Variants in DCAF6 observed in about 807,000 individuals in gnomAD.
The protein encoded by DCAF6 is DDB1- and CUL4-associated factor 6.
DCAF6 carries 54 observed loss-of-function variants against 125.1 expected under a neutral mutation model. The observed-to-expected ratio is 0.43, with a 90% CI of 0.35 to 0.54. DCAF6 has a LOEUF of 0.54. Ranked by LOEUF, DCAF6 falls within the 20% of genes least tolerant of loss-of-function variation. The probability of loss-of-function intolerance (pLI) is 0.01; values close to 1 mark genes in which losing one functional copy is unlikely to be tolerated. For missense variants in DCAF6, 934 were observed against 1,161.7 expected, an observed-to-expected ratio of 0.80 and a Z score of 2.85; for synonymous variants, 371 against 390.4, an observed-to-expected ratio of 0.95 and a Z score of 0.58.
intron 4 of DCAF6, among the ~76,000 whole-genome samples, chr1:167,980,830 G>C (rs894251879): frequency 2.3e-4 from 35 of 150,196 alleles, no homozygotes; most frequent in African/African-American, 8.1e-4. Context: ...CCACTTGTCT[G>C]TTATGGCTTT....
At chr1:167,940,625 C>G (rs142196156) in intron 1 of DCAF6, among the ~76,000 whole-genome samples, 1 of 152,018 alleles carries the variant, frequency 6.6e-6, no homozygotes, top group African/African-American at 2.4e-5. Flanking sequence ...TTTTGGAAAT[C>G]AGTGATTTAT....
intron 12 of DCAF6, among the ~76,000 whole-genome samples, chr1:168,034,029 A>G (rs1045483571): frequency 6.6e-6 from 1 of 152,236 alleles, no homozygotes; most frequent in Non-Finnish European, 1.5e-5. Flanking sequence ...TATGATGCCA[A>G]AGTGATAATT....
chr1:167,953,655 A>T (rs1362624261), intron 2 of DCAF6, among the ~76,000 whole-genome samples: 1 of 152,116 alleles, frequency 6.6e-6, no homozygotes. Flanking sequence ...GGCTGGAGTG[A>T]GTGGTGCAAT....
chr1:167,874,036 T>TA, the DCAF6 span, among the ~76,000 whole-genome samples: 1 of 152,090 alleles, frequency 6.6e-6, no homozygotes, highest in Non-Finnish European at 1.5e-5. Flanking sequence ...ACAGGTACTT[T>TA]AAAAAAATGT....
At chr1:167,883,352 C>A in the DCAF6 span, 70 of 1,485,978 alleles carry the variant, frequency 4.7e-5, no homozygotes, top group Non-Finnish European at 6.1e-5. Flanking sequence ...GGTTAAATTT[C>A]CTGTGTCTAT....
At chr1:168,004,915 T>C (rs1683138890) in intron 10 of DCAF6, 122 bp downstream of exon 10, 4 of 1,125,018 alleles carry the variant, frequency 3.6e-6, no homozygotes, top group African/African-American at 1.6e-5. Flanking sequence ...CAAAATGACA[T>C]GTAATATATG....
intron 16 of DCAF6, among the ~76,000 whole-genome samples, chr1:168,048,918 G>T (rs1268463787): frequency 6.6e-6 from 1 of 152,206 alleles, no homozygotes; most frequent in Non-Finnish European, 1.5e-5. Flanking sequence ...CTGCTCTATA[G>T]TAATCAGTGT....
At position 168,044,885 on chromosome 1, in the gene DCAF6, T is replaced by A. The variant is rs1281152203; in HGVS notation, c.1931-15T>A. 6.2e-7 allele frequency: 1 copy of A among 1,610,536 alleles called. No homozygotes were observed. The highest frequency in any genetic ancestry group is 8.5e-7 in the Non-Finnish European group (1 of 1,178,600). On this transcript the variant is annotated splice_polypyrimidine_tract_variant and intron_variant, in intron 15 of 21. Transcript: ENST00000367840. The stretch of plus-strand genomic sequence containing the variant: ...CACATTACCACCTGTTACATACAAC[T>A]TTATTTTCTGACAGCACAATCAGAT...
chr1:168,040,501 G>T (rs1688384877), intron 13 of DCAF6, among the ~76,000 whole-genome samples: 1 of 151,530 alleles, frequency 6.6e-6, no homozygotes, highest in South Asian at 2.1e-4. Flanking sequence ...AAAAAAAAAA[G>T]TGATGGGATT....
intron 10 of DCAF6, among the ~76,000 whole-genome samples, chr1:168,009,611 C>T (rs144957746): frequency 8.6e-5 from 13 of 151,246 alleles, no homozygotes; most frequent in Admixed American, 4.0e-4. Flanking sequence ...TTCCCTCTTT[C>T]CTTCTTACAC....
At chr1:167,925,359 T>C in the DCAF6 span, among the ~76,000 whole-genome samples, 1 of 149,376 alleles carries the variant, frequency 6.7e-6, no homozygotes, top group Non-Finnish European at 1.5e-5. Flanking sequence ...AGTTAGCCAG[T>C]AGAGTTGGAA....
At chr1:167,924,891 C>T in the DCAF6 span, among the ~76,000 whole-genome samples, 1 of 152,130 alleles carries the variant, frequency 6.6e-6, no homozygotes, top group Non-Finnish European at 1.5e-5. Flanking sequence ...AAAATGAACC[C>T]AGTGATAACA....
chr1:167,996,356 C>T (rs765678087), intron 7 of DCAF6, among the ~76,000 whole-genome samples: 3 of 152,002 alleles, frequency 2.0e-5, no homozygotes, highest in Non-Finnish European at 4.4e-5. Flanking sequence ...TTCATTCTTT[C>T]ATTTTCTTCT....
rs1692635553 is a variant in DCAF6, at chr1:168,068,559, A to G, written c.2791+96A>G. 8.8e-6 allele frequency: 5 copies of G among 569,182 alleles called. No homozygotes were observed. In the East Asian group the frequency reaches 1.9e-4, roughly 22 times the overall value. The allele number at this position is 569,182 out of a possible 1,614,324, so 35.3% of individuals were successfully genotyped here. A position where few individuals can be genotyped will look rare whatever the true frequency, so the allele number is the denominator to read the frequency against. On this transcript the variant is annotated intron_variant, in intron 21 of 21. Coordinates refer to ENST00000367840, the MANE Select transcript of DCAF6 (RefSeq NM_001198956.2). ...TAAAGGGGTTTATATATATTTTTTA[A>G]TATCACAAAATGAGGGTAGCTTAAC...
At chr1:167,982,068 C>T (rs1448749665) in intron 4 of DCAF6, among the ~76,000 whole-genome samples, 2 of 152,232 alleles carry the variant, frequency 1.3e-5, no homozygotes, top group East Asian at 3.9e-4. Flanking sequence ...TAGCCATTCT[C>T]ACTCATATGA....
At chr1:167,885,855 T>C in the DCAF6 span, among the ~76,000 whole-genome samples, 1 of 152,022 alleles carries the variant, frequency 6.6e-6, no homozygotes, top group Admixed American at 6.6e-5. Context: ...ATCTCGTGAC[T>C]TGCCCACCTC....
At chr1:167,887,449 A>G in the DCAF6 span, among the ~76,000 whole-genome samples, 1 of 152,200 alleles carries the variant, frequency 6.6e-6, no homozygotes, top group Non-Finnish European at 1.5e-5. Context: ...ACAAGGATAG[A>G]AAACCAAACA....
intron 4 of DCAF6, 119 bp downstream of exon 4, chr1:167,975,134 C>T (rs1035497105): frequency 3.9e-6 from 2 of 517,990 alleles, no homozygotes; most frequent in African/African-American, 2.0e-5. Flanking sequence ...ACATTTGATG[C>T]ATATAAATTA....
Position 168,031,672 on chromosome 1 carries a change from A to T in DCAF6, c.1610-6699A>T, listed in dbSNP as rs188527531. 1.9e-4 allele frequency among the ~76,000 whole-genome samples: 29 copies of T among 152,166 alleles called. No individual in the cohort carries two copies. The East Asian group carries it at 4.4e-3, about 23-fold the overall frequency. ...CTTGTTAATTTATCTACAAAATGAGAGTGTTATTTATGATAGGCAGACTTG... is the reference window on the plus strand; with the variant it reads ...CTTGTTAATTTATCTACAAAATGAGTGTGTTATTTATGATAGGCAGACTTG... On this transcript the variant is annotated intron_variant, in intron 12 of 21. Coordinates refer to ENST00000367840, the MANE Select transcript of DCAF6 (RefSeq NM_001198956.2).
Sources: gnomAD v4.1 joint callset for allele counts (sites outside exome capture counted in the v4.1 genomes callset) on GRCh38, gnomAD v4.1.1 for gene constraint, MANE v1.5 for transcripts, NCBI Gene and HGNC (gene_info 2026-07-23, HGNC 2026-07-21) for gene names.